GRM3: variants seen among roughly 807,000 people sequenced by gnomAD.
GRM3 encodes the protein metabotropic glutamate receptor 3.
GRM3 carries 26 observed loss-of-function variants against 70.5 expected under a neutral mutation model. The observed-to-expected ratio is 0.37, with a 90% confidence interval of 0.27 to 0.51. The LOEUF (loss-of-function observed/expected upper bound fraction) is 0.51. Ranked by LOEUF, GRM3 falls within the 20% of genes least tolerant of loss-of-function variation. The probability of loss-of-function intolerance (pLI) is 0.93; values close to 1 mark genes in which losing one functional copy is unlikely to be tolerated. For synonymous variants in GRM3, 443 were observed against 434.9 expected, an observed-to-expected ratio of 1.02 and a Z score of -0.23; for missense variants, 859 against 1,123.8, an observed-to-expected ratio of 0.76 and a Z score of 3.37.
intron 4 of GRM3, among the ~76,000 whole-genome samples, chr7:86,842,706 T>C (rs1798580292): frequency 6.6e-6 from 1 of 152,128 alleles, no homozygotes; most frequent in African/African-American, 2.4e-5. Context: ...TAAATAAACA[T>C]AAGGCATGAT....
intron 1 of GRM3, among the ~76,000 whole-genome samples, chr7:86,696,491 C>A (rs1794820182): frequency 6.6e-6 from 1 of 152,042 alleles, no homozygotes; most frequent in Non-Finnish European, 1.5e-5. Context: ...TGGTTTTAGC[C>A]CTGGACTTAT....
intron 1 of GRM3, among the ~76,000 whole-genome samples, chr7:86,715,413 G>T (rs1489829310): frequency 6.6e-6 from 1 of 151,926 alleles, no homozygotes; most frequent in Non-Finnish European, 1.5e-5. Flanking sequence ...CTGAGCCTCT[G>T]TTTCCTTATT....
chr7:86,739,488 G>A (rs1795937052), intron 1 of GRM3, among the ~76,000 whole-genome samples: 2 of 152,152 alleles, frequency 1.3e-5, no homozygotes, highest in Admixed American at 1.3e-4. Flanking sequence ...TGTTACTTTT[G>A]GATGGAATTA....
At position 86,786,207 on chromosome 7, in the gene GRM3, T is replaced by G. The variant is rs1418291856; in HGVS notation, c.469-54T>G. On this transcript the variant is annotated intron_variant, in intron 2 of 5. Transcript: ENST00000361669. The surrounding 1 kb of genome is among the most constrained non-coding windows in gnomAD (Gnocchi z 6.0). ...GTGGATGCTATTATTCATTTTCATG[T>G]CCAGTCATCTACCTCGGGGTTTCTA... 1 of 1,485,922 alleles carries G rather than the reference T, an allele frequency of 6.7e-7. No individual in the cohort carries two copies. Among genetic ancestry groups the G allele is most frequent in the Non-Finnish European group, 9.2e-7 (1 of 1,089,230 alleles). 92.0% of individuals were successfully genotyped at this position (1,485,922 alleles called of 1,614,324 possible).
chr7:86,658,841 C>T (rs754750808), intron 1 of GRM3, among the ~76,000 whole-genome samples: 4 of 150,470 alleles, frequency 2.7e-5, no homozygotes, highest in Non-Finnish European at 5.9e-5. Flanking sequence ...GAGTCAGTAC[C>T]CTGTTATACT....
chr7:86,811,885 T>C (rs534986696), intron 3 of GRM3, among the ~76,000 whole-genome samples: 1 of 151,594 alleles, frequency 6.6e-6, no homozygotes. Flanking sequence ...ATGAGAAAGC[T>C]AGTGTGATAT....
intron 1 of GRM3, among the ~76,000 whole-genome samples, chr7:86,741,878 TA>T (rs567599291): frequency 2.1e-3 from 314 of 152,324 alleles, no homozygotes; most frequent in Middle Eastern, 6.8e-3. Context: ...TTTTTAGCCT[TA>T]AAAAACTTTA....
chr7:86,656,531 A>G (rs943205311), intron 1 of GRM3, among the ~76,000 whole-genome samples: 4 of 151,978 alleles, frequency 2.6e-5, no homozygotes, highest in Non-Finnish European at 5.9e-5. Flanking sequence ...GGCCTCCCAA[A>G]GTGCTGGGAT....
At chr7:86,861,459 A>C (rs1307423003) in intron 5 of GRM3, among the ~76,000 whole-genome samples, 1 of 152,198 alleles carries the variant, frequency 6.6e-6, no homozygotes, top group Admixed American at 6.6e-5. Context: ...GGCAGCAACA[A>C]CTGGGCTAGG....
chr7:86,729,814 A>C (rs1795684290), intron 1 of GRM3, among the ~76,000 whole-genome samples: 1 of 152,214 alleles, frequency 6.6e-6, no homozygotes, highest in Non-Finnish European at 1.5e-5. Flanking sequence ...ACTATTAAAA[A>C]TGGCATAACT....
At position 86,677,618 on chromosome 7, in the gene GRM3, T is replaced by G. The variant is rs920379594; in HGVS notation, c.-141+32746T>G. ...TTAAGATTTTTATTAATTCTAAAACTTATTAGTTTCAATTTTCAGTCTGGC... is the reference window on the plus strand; with the variant it reads ...TTAAGATTTTTATTAATTCTAAAACGTATTAGTTTCAATTTTCAGTCTGGC... On this transcript the variant is annotated intron_variant, in intron 1 of 5. Coordinates refer to ENST00000361669, the MANE Select transcript of GRM3 (RefSeq NM_000840.3). 2.0e-5 allele frequency among the ~76,000 whole-genome samples: 3 copies of G among 152,036 alleles called. No homozygotes were observed. The East Asian group carries it at 5.8e-4, about 29-fold the overall frequency.
intron 1 of GRM3, among the ~76,000 whole-genome samples, chr7:86,681,987 T>C (rs1794453017): frequency 6.6e-6 from 1 of 152,158 alleles, no homozygotes; most frequent in African/African-American, 2.4e-5. Flanking sequence ...TTGCCTAAAG[T>C]ATATACCCCA....
intron 1 of GRM3, among the ~76,000 whole-genome samples, chr7:86,663,371 A>C (rs1429839996): frequency 6.6e-6 from 1 of 152,036 alleles, no homozygotes; most frequent in Non-Finnish European, 1.5e-5. Flanking sequence ...TCAGGCATTT[A>C]GAATCTTGAT....
At chr7:86,856,712 C>T (rs1798856320) in intron 5 of GRM3, among the ~76,000 whole-genome samples, 2 of 152,266 alleles carry the variant, frequency 1.3e-5, no homozygotes, top group South Asian at 4.1e-4. Flanking sequence ...GGTAACTCTA[C>T]ATGTATTAGA....
At chr7:86,671,828 C>T (rs1454237445) in intron 1 of GRM3, among the ~76,000 whole-genome samples, 2 of 152,178 alleles carry the variant, frequency 1.3e-5, no homozygotes, top group African/African-American at 2.4e-5. Flanking sequence ...CTGAACCATA[C>T]TTCTACTGGG....
At chr7:86,779,900 C>T (rs986557427) in intron 2 of GRM3, among the ~76,000 whole-genome samples, 2 of 152,204 alleles carry the variant, frequency 1.3e-5, no homozygotes, top group African/African-American at 4.8e-5. Flanking sequence ...GTTTGTTAGA[C>T]AACTACTGCA....
chr7:86,738,590 G>T (rs1442560703), intron 1 of GRM3, among the ~76,000 whole-genome samples: 1 of 152,132 alleles, frequency 6.6e-6, no homozygotes, highest in African/African-American at 2.4e-5. Context: ...CAAGTTAAAT[G>T]ACATGCCAAA....
At chr7:86,720,918 A>G (rs1795446381) in intron 1 of GRM3, among the ~76,000 whole-genome samples, 1 of 152,080 alleles carries the variant, frequency 6.6e-6, no homozygotes, top group African/African-American at 2.4e-5. Flanking sequence ...AGATACTCAG[A>G]CAACAGTAAA....
chr7:86,831,186 C>T (rs192276764), intron 3 of GRM3, among the ~76,000 whole-genome samples: 1 of 152,260 alleles, frequency 6.6e-6, no homozygotes, highest in African/African-American at 2.4e-5. Flanking sequence ...TAGTGATTGC[C>T]TTTGGGGCTG....
Sources: gnomAD v4.1 joint callset for allele counts (sites outside exome capture counted in the v4.1 genomes callset) on GRCh38, gnomAD v4.1.1 for gene constraint, Gnocchi (gnomAD v3.1) non-coding constraint, MANE v1.5 for transcripts, NCBI Gene and HGNC (gene_info 2026-07-23, HGNC 2026-07-21) for gene names.